The following COBL variants were observed in gnomAD, a reference collection of about 807,000 sequenced individuals.
The protein encoded by COBL is cordon-bleu WH2 repeat protein.
A neutral mutation model predicts 98.8 loss-of-function variants in COBL; 51 were observed. That is an observed-to-expected ratio of 0.52 (90% CI 0.41 to 0.65). COBL has a LOEUF of 0.65. Among genes scored for constraint, COBL ranks in the 30% least tolerant of loss-of-function variants. The probability of loss-of-function intolerance (pLI) is 0.00; values close to 1 mark genes in which losing one functional copy is unlikely to be tolerated. For synonymous variants in COBL, 634 were observed against 651.7 expected (o/e 0.97, Z 0.41); for missense variants, 1,617 against 1,617.5 (o/e 1.00, Z 0.01).
chr7:51,179,907 T>C (rs879016666), intron 5 of COBL, among the ~76,000 whole-genome samples: 2 of 152,206 alleles, frequency 1.3e-5, no homozygotes, highest in Non-Finnish European at 2.9e-5. Context: ...CTTCTTTTTG[T>C]TTGAAACACA....
intron 1 of COBL, among the ~76,000 whole-genome samples, chr7:51,233,631 T>C (rs147756506): frequency 2.0e-5 from 3 of 152,270 alleles, no homozygotes; most frequent in Non-Finnish European, 4.4e-5. Context: ...CAGTGAAATC[T>C]GACTAGCCCG....
intron 1 of COBL, among the ~76,000 whole-genome samples, chr7:51,226,643 A>G (rs920378465): frequency 6.6e-6 from 1 of 152,152 alleles, no homozygotes; most frequent in African/African-American, 2.4e-5. Flanking sequence ...GCAATAATAA[A>G]AAGTCAGAAA....
Position 51,193,594 on chromosome 7 carries a change from A to G in COBL, c.246-5T>C, listed in dbSNP as rs930355876. The G allele has an allele frequency of 6.2e-7, 1 of 1,613,390 alleles. No homozygotes were observed. Among genetic ancestry groups the G allele is most frequent in the Non-Finnish European group, 8.5e-7 (1 of 1,179,442 alleles). ...AGTAGGTCCATCATCGCATGGCTGA[A>G]AAAAGGAAAACAAATCATGATTATT... On this transcript the variant is annotated splice_polypyrimidine_tract_variant and splice_region_variant and intron_variant, in intron 2 of 12. Coordinates refer to ENST00000265136, the MANE Select transcript of COBL (RefSeq NM_015198.5).
At chr7:51,246,779 G>A (rs1796305825) in intron 1 of COBL, among the ~76,000 whole-genome samples, 1 of 152,220 alleles carries the variant, frequency 6.6e-6, no homozygotes, top group South Asian at 2.1e-4. Flanking sequence ...TTCTTCCAGA[G>A]TTTGGCAAGA....
chr7:51,272,865 C>A (rs978060030), intron 1 of COBL, among the ~76,000 whole-genome samples: 1 of 152,104 alleles, frequency 6.6e-6, no homozygotes, highest in East Asian at 1.9e-4. Context: ...CTCTTATCTG[C>A]AGGTAAAGAC....
chr7:51,214,954 A>G lies in COBL; in HGVS notation c.245+4787T>C, dbSNP rs202153413. On this transcript the variant is annotated intron_variant, in intron 2 of 12. Coordinates refer to ENST00000265136, the MANE Select transcript of COBL (RefSeq NM_015198.5). The stretch of plus-strand genomic sequence containing the variant: ...CCTCCTGCTTCTCAGCCTAGCTTCA[A>G]GCAATATTGAATGCCCTGCTTCTCA... Among the ~76,000 whole-genome samples the G allele has an allele frequency of 2.0e-5, 3 of 152,118 alleles. No homozygotes were observed. In the East Asian group the frequency reaches 5.8e-4, roughly 29 times the overall value.
In COBL at chr7:51,211,070, C is replaced by A. The variant is rs1385107364; in HGVS notation, c.245+8671G>T. On this transcript the variant is annotated intron_variant, in intron 2 of 12. Transcript: ENST00000265136. ...TTAATGATTCTCTAATTGGGTGTTA[C>A]AAGTGCATCCCTCCACAAGACCTCA... Among the ~76,000 whole-genome samples the A allele has an allele frequency of 2.0e-5, 3 of 152,196 alleles. No homozygotes were observed. The East Asian group carries it at 5.8e-4, about 29-fold the overall frequency.
At position 51,027,781 on chromosome 7, in the gene COBL, T is replaced by C; in HGVS notation, c.3315A>G (p.Lys1105=). The C allele has an allele frequency of 6.2e-7, 1 of 1,614,220 alleles. No homozygotes were observed. Residue 1105 remains lysine, a synonymous_variant, in exon 10 of 13, where the codon AAA becomes AAG. Coordinates refer to ENST00000265136, the MANE Select transcript of COBL (RefSeq NM_015198.5). ...TCAGGGCAGAGTGCAGGGATGTGTC[T>C]TTTGGGACTGGTCTCTGGACAACAG... The part of the protein sequence containing the change: ...FKPVVQRPVP[K]DTSLHSALME...
intron 1 of COBL, among the ~76,000 whole-genome samples, chr7:51,233,980 G>A (rs1011643636): frequency 6.6e-6 from 1 of 152,124 alleles, no homozygotes; most frequent in East Asian, 1.9e-4. Context: ...AAAATAAATG[G>A]CAAAAGTATT....
At chr7:51,206,151 A>G (rs1361622154) in intron 2 of COBL, among the ~76,000 whole-genome samples, 1 of 152,198 alleles carries the variant, frequency 6.6e-6, no homozygotes, top group African/African-American at 2.4e-5. Flanking sequence ...AAAATTAAAA[A>G]TAGAATTACC....
chr7:51,252,526 T>C (rs533990576), intron 1 of COBL, among the ~76,000 whole-genome samples: 1 of 152,322 alleles, frequency 6.6e-6, no homozygotes, highest in South Asian at 2.1e-4. Flanking sequence ...GCCTAATGTT[T>C]TGAAGGTTCT....
Position 51,210,061 on chromosome 7 carries a change from CAAAT to C in COBL, c.245+9676_245+9679del, listed in dbSNP as rs1281224678. On this transcript the variant is annotated intron_variant, in intron 2 of 12. Coordinates refer to ENST00000265136, the MANE Select transcript of COBL (RefSeq NM_015198.5). ...CACAGAGGAGTATATTAATTGCAGC[CAAAT>C]AAATAATTGAGTGCCCAAATCTCCA... Among the ~76,000 whole-genome samples the C allele has an allele frequency of 7.2e-5, 11 of 152,260 alleles. No homozygotes were observed. The South Asian group carries it at 1.2e-3, about 17-fold the overall frequency.
At chr7:51,281,295 T>C (rs1799799214) in intron 1 of COBL, among the ~76,000 whole-genome samples, 1 of 152,160 alleles carries the variant, frequency 6.6e-6, no homozygotes, top group Non-Finnish European at 1.5e-5. Context: ...CATAGGGACC[T>C]ATGGGGCAAT....
Position 51,250,775 on chromosome 7 carries a change from A to T in COBL, c.42-30831T>A, listed in dbSNP as rs372229576. Among the ~76,000 whole-genome samples the T allele has an allele frequency of 4.9e-4, 74 of 152,328 alleles. No individual in the cohort carries two copies. The South Asian group carries it at 0.015, about 30-fold the overall frequency. ...CAGTCCTTCACACACAAAGCTATGG[A>T]TGCACAGCTTGCTGAGTGACAATGG... On this transcript the variant is annotated intron_variant, in intron 1 of 12. Coordinates refer to ENST00000265136, the MANE Select transcript of COBL (RefSeq NM_015198.5).
At chr7:51,290,558 GA>G (rs1800803424) in intron 1 of COBL, among the ~76,000 whole-genome samples, 1 of 152,256 alleles carries the variant, frequency 6.6e-6, no homozygotes, top group South Asian at 2.1e-4. Flanking sequence ...AAGGGTGCGT[GA>G]AAGATGTGTG....
At chr7:51,315,724 C>A (rs1472053175) in intron 1 of COBL, among the ~76,000 whole-genome samples, 1 of 152,224 alleles carries the variant, frequency 6.6e-6, no homozygotes, top group Admixed American at 6.5e-5. Flanking sequence ...GGGATGAGCA[C>A]GGCGCACCTG....
In COBL at chr7:51,090,670, T is replaced by C. The variant is rs193262706; in HGVS notation, c.958-5366A>G. On this transcript the variant is annotated intron_variant, in intron 6 of 12. Coordinates refer to ENST00000265136, the MANE Select transcript of COBL (RefSeq NM_015198.5). ...ACAGGCAAAGGCCAGCACAGCTCAG[T>C]GCAATCAAGAGAAAGCACCCAGCTC... Among the ~76,000 whole-genome samples, 330 of 152,296 alleles carry C rather than the reference T, an allele frequency of 2.2e-3. 1 individual carries two copies. Among genetic ancestry groups the C allele is most frequent in the African/African-American group, 7.7e-3 (318 of 41,558 alleles).
chr7:51,167,702 A>C (rs1787463534), intron 5 of COBL, among the ~76,000 whole-genome samples: 1 of 152,198 alleles, frequency 6.6e-6, no homozygotes, highest in African/African-American at 2.4e-5. Context: ...TATAACCAAA[A>C]CAGCATGGTA....
In COBL at chr7:51,219,865, G is replaced by A. The variant is rs368613191; in HGVS notation, c.121C>T (p.His41Tyr). 4.8e-5 allele frequency: 77 copies of A among 1,613,430 alleles called. No homozygotes were observed. The highest frequency in any genetic ancestry group is 1.7e-4 in the Middle Eastern group (1 of 5,844). The stretch of plus-strand genomic sequence containing the variant: ...TGCTGCGACCCGAGGGCCCCATCGT[G>A]GGGGGGCTTCTGGTCACTGTGCACA... ...LHVHSDQKPP[H>Y]DGALGSQQNL... Residue 41 changes from histidine (H) to tyrosine (Y), a missense_variant, in exon 2 of 13, where the codon CAC becomes TAC. By Grantham distance (83) the His-to-Tyr change is moderately conservative. Coordinates refer to ENST00000265136, the MANE Select transcript of COBL (RefSeq NM_015198.5).
Sources: allele counts gnomAD v4.1 joint callset (sites outside exome capture counted in the v4.1 genomes callset), GRCh38; gene constraint gnomAD v4.1.1; transcripts MANE v1.5; gene names NCBI Gene and HGNC (gene_info 2026-07-23, HGNC 2026-07-21).